Variants in PCDH9 observed in about 807,000 individuals in gnomAD.
The protein encoded by PCDH9 is protocadherin 9, also known as protocadherin-9.
In PCDH9, 24 loss-of-function variants were observed where a neutral mutation model predicts 70.6. The ratio of observed to expected loss-of-function variants is 0.34; its 90% CI spans 0.25 to 0.48. The LOEUF is 0.48. PCDH9 is among the 20% of genes least tolerant of loss of function. The pLI, the probability that PCDH9 is intolerant of heterozygous loss-of-function variation, is 0.99. For synonymous variants in PCDH9, 562 were observed against 558.5 expected (o/e 1.01, Z -0.09); for missense variants, 1,281 against 1,503.6 (o/e 0.85, Z 2.45).
intron 3 of PCDH9, among the ~76,000 whole-genome samples, chr13:66,723,268 A>C (rs1160994576): frequency 1.3e-5 from 2 of 152,202 alleles, no homozygotes; most frequent in African/African-American, 2.4e-5. Context: ...CAACAACAAA[A>C]GAGGGAGTTA....
At chr13:66,405,297 G>A (rs1466820592) in intron 4 of PCDH9, among the ~76,000 whole-genome samples, 1 of 152,006 alleles carries the variant, frequency 6.6e-6, no homozygotes, top group Non-Finnish European at 1.5e-5. Flanking sequence ...GATGTTGTTT[G>A]CAATAAGAAA....
intron 2 of PCDH9, among the ~76,000 whole-genome samples, chr13:67,090,996 G>A (rs2086206983): frequency 6.6e-6 from 1 of 152,030 alleles, no homozygotes; most frequent in South Asian, 2.1e-4. Context: ...AGATCTCAAA[G>A]TGTGTTATTA....
intron 2 of PCDH9, chr13:67,216,493 C>T (rs924684519): frequency 6.6e-6 from 1 of 151,308 alleles, no homozygotes; most frequent in Admixed American, 6.6e-5. Context: ...TATTATTACT[C>T]TATATACCTA....
At chr13:66,546,970 G>A (rs1961235235) in intron 4 of PCDH9, among the ~76,000 whole-genome samples, 1 of 152,148 alleles carries the variant, frequency 6.6e-6, no homozygotes, top group South Asian at 2.1e-4. Context: ...CTGTAACCTA[G>A]ACCATCTAGT....
chr13:66,602,668 T>A (rs1230396436), intron 4 of PCDH9, among the ~76,000 whole-genome samples: 1 of 145,162 alleles, frequency 6.9e-6, no homozygotes, highest in African/African-American at 2.5e-5. Flanking sequence ...AGAAAAAAAA[T>A]TTAAATAAGT....
At chr13:67,153,142 G>C (rs1280934672) in intron 2 of PCDH9, among the ~76,000 whole-genome samples, 1 of 150,610 alleles carries the variant, frequency 6.6e-6, no homozygotes, top group Non-Finnish European at 1.5e-5. Flanking sequence ...ACTCCTCTCT[G>C]ACTAAATTAG....
At chr13:66,821,954 T>C (rs144807498) in intron 3 of PCDH9, among the ~76,000 whole-genome samples, 75 of 152,332 alleles carry the variant, frequency 4.9e-4, no homozygotes, top group African/African-American at 1.7e-3. Flanking sequence ...TAGCTGTCTA[T>C]ATGAACATTG....
chr13:66,441,502 T>C (rs1957973440), intron 4 of PCDH9, among the ~76,000 whole-genome samples: 1 of 152,306 alleles, frequency 6.6e-6, no homozygotes, highest in Admixed American at 6.5e-5. Flanking sequence ...ATAAATTCTG[T>C]TATTCTAACA....
At chr13:66,597,334 T>A (rs1226187135) in intron 4 of PCDH9, among the ~76,000 whole-genome samples, 2 of 151,674 alleles carry the variant, frequency 1.3e-5, no homozygotes, top group Non-Finnish European at 1.5e-5. Flanking sequence ...CAAAATAAGC[T>A]ACAAAGCTAC....
chr13:66,492,818 T>C (rs1959054456), intron 4 of PCDH9, among the ~76,000 whole-genome samples: 1 of 152,188 alleles, frequency 6.6e-6, no homozygotes, highest in African/African-American at 2.4e-5. Flanking sequence ...TCAAATTAAA[T>C]GAATTTCTCT....
rs545898142 is a variant in PCDH9, at chr13:67,103,288, T to C, written c.3036+122117A>G. On this transcript the variant is annotated intron_variant, in intron 2 of 4. Transcript: ENST00000377865. ...ACATATGTGAAAATAATTGGGGAAA[T>C]GGACACCTCTTTATTTCTGTTTGGA... is the stretch of plus-strand genomic sequence containing the variant. 3.3e-5 allele frequency among the ~76,000 whole-genome samples: 5 copies of C among 152,234 alleles called. No individual in the cohort carries two copies. In the South Asian group the frequency reaches 1.0e-3, roughly 32 times the overall value.
chr13:66,815,137 G>C (rs765122863), intron 3 of PCDH9, among the ~76,000 whole-genome samples: 13 of 152,030 alleles, frequency 8.6e-5, no homozygotes, highest in African/African-American at 3.1e-4. Context: ...TTCAAAAGAA[G>C]AGATACACAC....
At chr13:67,147,413 T>G (rs1007298181) in intron 2 of PCDH9, among the ~76,000 whole-genome samples, 8 of 152,142 alleles carry the variant, frequency 5.3e-5, no homozygotes, top group Admixed American at 5.2e-4. Flanking sequence ...GGAATGTGTA[T>G]CTACCAGAAT....
At chr13:67,008,756 T>C (rs1317608440) in intron 2 of PCDH9, among the ~76,000 whole-genome samples, 2 of 152,100 alleles carry the variant, frequency 1.3e-5, no homozygotes, top group African/African-American at 4.8e-5. Context: ...ACTTACATAT[T>C]TTCTTATATT....
intron 3 of PCDH9, among the ~76,000 whole-genome samples, chr13:66,839,192 G>C (rs2081074370): frequency 6.6e-6 from 1 of 151,742 alleles, no homozygotes; most frequent in Admixed American, 6.6e-5. Flanking sequence ...ACTTATTAAT[G>C]TGCAACAATC....
chr13:67,202,387 A>T (rs1355189460), intron 2 of PCDH9: 1 of 152,150 alleles, frequency 6.6e-6, no homozygotes, highest in Non-Finnish European at 1.5e-5. Flanking sequence ...TTATAATGTG[A>T]ACTGAAGTTG....
At chr13:66,520,975 A>G (rs17081413) in intron 4 of PCDH9, among the ~76,000 whole-genome samples, 4,196 of 152,244 alleles carry the variant, frequency 0.028, 195 homozygotes, top group African/African-American at 0.094. Context: ...TCATTAGGCA[A>G]TATTTTCCCC....
chr13:66,837,026 C>A (rs1208934544), intron 3 of PCDH9, among the ~76,000 whole-genome samples: 1 of 152,146 alleles, frequency 6.6e-6, no homozygotes, highest in Non-Finnish European at 1.5e-5. Context: ...TTGTCAGCAT[C>A]CACATAAGAG....
At chr13:66,698,816 G>A (rs2078596503) in intron 3 of PCDH9, among the ~76,000 whole-genome samples, 1 of 151,460 alleles carries the variant, frequency 6.6e-6, no homozygotes, top group African/African-American at 2.4e-5. Flanking sequence ...CAAACTGCTT[G>A]GCTCAAGTGA....
Sources: allele counts gnomAD v4.1 joint callset (sites outside exome capture counted in the v4.1 genomes callset), GRCh38; gene constraint gnomAD v4.1.1; transcripts MANE v1.5; gene names NCBI Gene and HGNC (gene_info 2026-07-23, HGNC 2026-07-21).